WNT3A: variants seen among roughly 807,000 people sequenced by gnomAD.
The protein encoded by WNT3A is protein Wnt-3a.
A neutral mutation model predicts 37.0 loss-of-function variants in WNT3A; 17 were observed. The observed-to-expected ratio is 0.46, with a 90% confidence interval of 0.31 to 0.69. The LOEUF is 0.69. WNT3A is among the 30% of genes least tolerant of loss of function. WNT3A has a pLI of 0.05. For missense variants in WNT3A, 411 were observed against 510.2 expected (o/e 0.81, Z 1.87); for synonymous variants, 187 against 211.0 (o/e 0.89, Z 0.99).
chr1:228,046,130 G>A (rs1008681248), intron 2 of WNT3A, among the ~76,000 whole-genome samples: 1 of 152,280 alleles, frequency 6.6e-6, no homozygotes, highest in Non-Finnish European at 1.5e-5. Flanking sequence ...ACAAAGGGCT[G>A]AGTGCGGCCT....
intron 3 of WNT3A, among the ~76,000 whole-genome samples, chr1:228,058,669 C>T (rs535323337): frequency 6.6e-6 from 1 of 152,370 alleles, no homozygotes; most frequent in East Asian, 1.9e-4. Context: ...TGCTGTGGCT[C>T]TTCGTGTATG....
chr1:228,050,909 G>A lies in WNT3A; in HGVS notation c.567G>A (p.Glu189=), dbSNP rs1438810567. 4 of 1,542,256 alleles carry A rather than the reference G, an allele frequency of 2.6e-6. No individual in the cohort carries two copies. The highest frequency in any genetic ancestry group is 3.5e-6 in the Non-Finnish European group (4 of 1,143,006). The change falls in exon 3 of 4, where the codon GAG becomes GAA. Residue 189 remains glutamate (E), a synonymous_variant. Coordinates refer to ENST00000284523, the MANE Select transcript of WNT3A (RefSeq NM_033131.4). The surrounding 1 kb of genome is among the most constrained non-coding windows in gnomAD (Gnocchi z 5.0). ...ARSAMNRHNN[E]AGRQAIASHM... is the part of the protein sequence containing the mutation. ...CAGCCATGAACCGCCACAACAACGA[G>A]GCTGGGCGCCAGGTAGGTTCGCCGC...
chr1:228,023,985 CA>C (rs142201492), intron 2 of WNT3A, among the ~76,000 whole-genome samples: 1,956 of 152,342 alleles, frequency 0.013, 44 homozygotes, highest in African/African-American at 0.045. Flanking sequence ...TTCAGCACTT[CA>C]TTCCTGTTCA....
chr1:228,029,371 C>G (rs191277447), intron 2 of WNT3A, among the ~76,000 whole-genome samples: 1 of 152,286 alleles, frequency 6.6e-6, no homozygotes, highest in Admixed American at 6.5e-5. Context: ...ACCATCCACC[C>G]CAGGGTGGCT....
At position 228,059,020 on chromosome 1, in the gene WNT3A, G is replaced by A; in HGVS notation, c.614G>A (p.Cys205Tyr). The A allele has an allele frequency of 1.2e-6, 2 of 1,613,070 alleles. No individual in the cohort carries two copies. The highest frequency in any genetic ancestry group is 4.5e-5 in the East Asian group (2 of 44,886). ...AGCCACATGCACCTCAAGTGCAAGT[G>A]CCACGGGCTGTCGGGCAGCTGCGAG... ...IASHMHLKCK[C>Y]HGLSGSCEVK... Residue 205 changes from cysteine to tyrosine, a missense_variant, in exon 4 of 4, where the codon TGC (cysteine) becomes TAC (tyrosine). Physicochemically the swap from Cys to Tyr is radical, Grantham distance 194. Transcript: ENST00000284523.
At chr1:228,020,337 G>A (rs533552276) in intron 1 of WNT3A, among the ~76,000 whole-genome samples, 2 of 152,362 alleles carry the variant, frequency 1.3e-5, no homozygotes, top group African/African-American at 4.8e-5. Context: ...GTGCTCTGAG[G>A]TGCATGGTTT....
chr1:228,026,018 C>G (rs2030846691), intron 2 of WNT3A, among the ~76,000 whole-genome samples: 1 of 151,902 alleles, frequency 6.6e-6, no homozygotes, highest in South Asian at 2.1e-4. Flanking sequence ...CTTGGCCTTC[C>G]AAAGTGCTGG....
chr1:228,007,093 G>T lies in WNT3A; in HGVS notation c.-36G>T. On this transcript the variant is annotated 5_prime_UTR_variant, in exon 1 of 4. Transcript: ENST00000284523. This position sits in a 1 kb window ranked among gnomAD's most constrained non-coding sequence, Gnocchi z 6.0. ...CCCCCCCGGCGCTCACGCTCTCGGG[G>T]CGGACTCCCGGCCCTCCGCGCCCTC... The T allele has an allele frequency of 2.6e-6, 4 of 1,510,366 alleles. No homozygotes were observed. The highest frequency in any genetic ancestry group is 3.5e-6 in the Non-Finnish European group (4 of 1,128,320). 93.6% of individuals were successfully genotyped at this position (1,510,366 alleles called of 1,614,324 possible).
chr1:228,014,053 G>A (rs77388471), intron 1 of WNT3A, among the ~76,000 whole-genome samples: 8,109 of 152,254 alleles, frequency 0.053, 731 homozygotes, highest in African/African-American at 0.18. Flanking sequence ...GCGACCAGCT[G>A]GACTCAGGGC....
intron 2 of WNT3A, among the ~76,000 whole-genome samples, chr1:228,024,840 A>G (rs895519415): frequency 6.6e-6 from 1 of 152,238 alleles, no homozygotes; most frequent in Non-Finnish European, 1.5e-5. Flanking sequence ...GAATCTAACC[A>G]CATTTTTTTG....
intron 2 of WNT3A, among the ~76,000 whole-genome samples, chr1:228,044,774 C>G (rs779272113): frequency 6.6e-6 from 1 of 152,212 alleles, no homozygotes; most frequent in Non-Finnish European, 1.5e-5. Flanking sequence ...GCTTAGAGAC[C>G]TTGTGGCTTC....
At chr1:228,052,392 C>T (rs1034359340) in intron 3 of WNT3A, among the ~76,000 whole-genome samples, 4 of 152,198 alleles carry the variant, frequency 2.6e-5, no homozygotes, top group African/African-American at 9.7e-5. Flanking sequence ...GATCCACCCA[C>T]CTCGGCCTCC....
Position 228,060,032 on chromosome 1 carries a change from G to A in WNT3A, c.*567G>A. 8.4e-7 allele frequency: 1 copy of A among 1,190,370 alleles called. No individual in the cohort carries two copies. The highest frequency in any genetic ancestry group is 5.9e-5 in the East Asian group (1 of 17,060). 73.7% of individuals were successfully genotyped at this position (1,190,370 alleles called of 1,614,324 possible). A position where few individuals can be genotyped will look rare whatever the true frequency, so the allele number is the denominator to read the frequency against. On this transcript the variant is annotated 3_prime_UTR_variant, in exon 4 of 4. Transcript: ENST00000284523. The stretch of plus-strand genomic sequence containing the variant: ...ATGGGGCAGAGCTTCTCCTGACCAG[G>A]GCAAGGCCCCTTCCACGGGGGCTGT...
chr1:228,036,073 T>C (rs2031133402), intron 2 of WNT3A, among the ~76,000 whole-genome samples: 1 of 152,166 alleles, frequency 6.6e-6, no homozygotes, highest in Non-Finnish European at 1.5e-5. Context: ...GAGGCCATTG[T>C]GGAGGCCCTG....
intron 1 of WNT3A, among the ~76,000 whole-genome samples, chr1:228,013,054 T>C (rs6701785): frequency 0.066 from 10,031 of 152,052 alleles, 738 homozygotes; most frequent in East Asian, 0.18. Context: ...AATTTTTGTA[T>C]ATTTGTAGAG....
Position 228,059,926 on chromosome 1 carries a change from C to G in WNT3A, c.*461C>G, listed in dbSNP as rs752109. On this transcript the variant is annotated 3_prime_UTR_variant, in exon 4 of 4. Transcript: ENST00000284523. Reference sequence around the variant, plus strand: ...GGAGGCGGGGCTCTAGGATGGGGCACGGCTCTGGGGTAGGCTGCTCCCTGA... The same window carrying G: ...GGAGGCGGGGCTCTAGGATGGGGCAGGGCTCTGGGGTAGGCTGCTCCCTGA... 3,634 of 1,058,198 alleles carry G rather than the reference C, an allele frequency of 3.4e-3. 85 individuals are homozygous for G. The African/African-American group carries it at 0.051, about 15-fold the overall frequency. 65.6% of individuals were successfully genotyped at this position (1,058,198 alleles called of 1,614,324 possible).
In WNT3A at chr1:228,059,822, G is replaced by T. The variant is rs947983220; in HGVS notation, c.*357G>T. The stretch of plus-strand genomic sequence containing the variant: ...ACAGGGCTTCTCCTGCGGGGGCGAG[G>T]CCCCTCCCAGTAAGGGCGTGGCTCT... On this transcript the variant is annotated 3_prime_UTR_variant, in exon 4 of 4. Transcript: ENST00000284523. 24 of 1,084,854 alleles carry T rather than the reference G, an allele frequency of 2.2e-5. No homozygotes were observed. Among genetic ancestry groups the T allele is most frequent in the Non-Finnish European group, 2.7e-5 (24 of 893,610 alleles). The allele number at this position is 1,084,854 out of a possible 1,614,324, so 67.2% of individuals were successfully genotyped here. A position where few individuals can be genotyped will look rare whatever the true frequency, so the allele number is the denominator to read the frequency against.
In WNT3A at chr1:228,059,272, C is replaced by G; in HGVS notation, c.866C>G (p.Ser289Cys). The G allele has an allele frequency of 6.2e-7, 1 of 1,601,406 alleles. No individual in the cohort carries two copies. The highest frequency in any genetic ancestry group is 8.5e-7 in the Non-Finnish European group (1 of 1,177,118). The change falls in exon 4 of 4, where the codon TCC becomes TGC. Residue 289 changes from serine to cysteine, a missense_variant. By Grantham distance (112) the Ser-to-Cys change is moderately radical (BLOSUM62 -1). Transcript: ENST00000284523. ...TGCGAGCCCAACCCTGAGACGGGCTCCTTCGGCACGCGCGACCGCACCTGC... is the reference window on the plus strand; with the variant it reads ...TGCGAGCCCAACCCTGAGACGGGCTGCTTCGGCACGCGCGACCGCACCTGC... Reference protein sequence around the residue: ...NFCEPNPETGSFGTRDRTCNV... With the variant: ...NFCEPNPETGCFGTRDRTCNV...
rs2031754197 is a variant in WNT3A at position 228,059,611 on chromosome 1, G to A, written c.*146G>A. On this transcript the variant is annotated 3_prime_UTR_variant, in exon 4 of 4. Coordinates refer to ENST00000284523, the MANE Select transcript of WNT3A (RefSeq NM_033131.4). ...CTGGGGGTGGGGCTCCTACCTGGGGGCAGAACTCCTACCTGAAGGCAGGGC... is the reference window on the plus strand; with the variant it reads ...CTGGGGGTGGGGCTCCTACCTGGGGACAGAACTCCTACCTGAAGGCAGGGC... 1.0e-5 allele frequency: 14 copies of A among 1,389,420 alleles called. No homozygotes were observed. The highest frequency in any genetic ancestry group is 1.3e-5 in the Non-Finnish European group (14 of 1,079,732). 86.1% of individuals were successfully genotyped at this position (1,389,420 alleles called of 1,614,324 possible). A position where few individuals can be genotyped will look rare whatever the true frequency, so the allele number is the denominator to read the frequency against.
Sources: allele counts gnomAD v4.1 joint callset (sites outside exome capture counted in the v4.1 genomes callset), GRCh38; gene constraint gnomAD v4.1.1; non-coding constraint Gnocchi (gnomAD v3.1); transcripts MANE v1.5; gene names NCBI Gene and HGNC (gene_info 2026-07-23, HGNC 2026-07-21).